Variants in ANKAR observed in about 807,000 individuals in gnomAD.
The protein encoded by ANKAR is ankyrin and armadillo repeat-containing protein.
In ANKAR, 136 loss-of-function variants were observed where a neutral mutation model predicts 146.2. The observed-to-expected ratio is 0.93, with a 90% confidence interval of 0.81 to 1.07. ANKAR has a LOEUF of 1.07. ANKAR is among the 50% of genes least tolerant of loss of function. The pLI, the probability that ANKAR is intolerant of heterozygous loss-of-function variation, is 0.00. For synonymous variants in ANKAR, 500 were observed against 575.8 expected (o/e 0.87, Z 1.88); for missense variants, 1,567 against 1,679.9 (o/e 0.93, Z 1.18).
At chr2:189,687,271 G>C (rs1001243505) in intron 2 of ANKAR, among the ~76,000 whole-genome samples, 2 of 152,052 alleles carry the variant, frequency 1.3e-5, no homozygotes, top group Non-Finnish European at 2.9e-5. Flanking sequence ...ATGTCCTCCA[G>C]TTTCATCAAA....
chr2:189,756,459 A>G (rs963153518), intron 18 of ANKAR, among the ~76,000 whole-genome samples: 1 of 152,210 alleles, frequency 6.6e-6, no homozygotes, highest in African/African-American at 2.4e-5. Flanking sequence ...TACTAGTTCT[A>G]TGTGTAGAAA....
intron 10 of ANKAR, among the ~76,000 whole-genome samples, chr2:189,715,599 A>G (rs2040354592): frequency 6.6e-6 from 1 of 152,242 alleles, no homozygotes; most frequent in Admixed American, 6.5e-5. Flanking sequence ...TGAGGCCAGC[A>G]TCATCCTGAT....
In ANKAR at chr2:189,689,804, T is replaced by C; in HGVS notation, c.879T>C (p.Tyr293=). The change falls in exon 3 of 23, where the codon TAT becomes TAC. Residue 293 remains tyrosine (Y), a synonymous_variant. Coordinates refer to ENST00000684021, the MANE Select transcript of ANKAR (RefSeq NM_001378068.1). ...CTYQRLQQRL[Y]LQKKIIQKHF... ...ACCAGAGACTACAGCAAAGATTATA[T>C]CTTCAAAAAAAGATTATTCAAAAAC... 1.9e-6 allele frequency: 3 copies of C among 1,606,560 alleles called. No homozygotes were observed. Among genetic ancestry groups the C allele is most frequent in the South Asian group, 1.1e-5 (1 of 89,038 alleles).
chr2:189,741,416 C>A lies in ANKAR; in HGVS notation c.3775C>A (p.Arg1259=), dbSNP rs200396361. ...ATTTACCACATTAGGAACAATCCAA[C>A]GGCTCTGCTATCATTTGTACTCGGG... ...EAFTTLGTIQ[R]LCYHLYSGIE... Residue 1259 remains arginine (R), a synonymous_variant, in exon 20 of 23, where the codon CGG becomes AGG. Coordinates refer to ENST00000684021, the MANE Select transcript of ANKAR (RefSeq NM_001378068.1). The A allele has an allele frequency of 6.2e-7, 1 of 1,611,196 alleles. No individual in the cohort carries two copies. The highest frequency in any genetic ancestry group is 8.5e-7 in the Non-Finnish European group (1 of 1,178,464).
intron 15 of ANKAR, 96 bp downstream of exon 15, chr2:189,728,917 A>G (rs2042138854): frequency 8.3e-7 from 1 of 1,198,838 alleles, no homozygotes; most frequent in Non-Finnish European, 1.2e-6. Flanking sequence ...CTCTATCCCC[A>G]CTGTTTGAGC....
chr2:189,675,163 A>G (rs2033333696), intron 1 of ANKAR, among the ~76,000 whole-genome samples: 1 of 146,498 alleles, frequency 6.8e-6, no homozygotes, highest in Non-Finnish European at 1.5e-5. Flanking sequence ...AGCGATTTGT[A>G]TTTGAACAAG....
chr2:189,756,093 G>A (rs919431628), intron 18 of ANKAR, among the ~76,000 whole-genome samples: 1 of 152,146 alleles, frequency 6.6e-6, no homozygotes. Flanking sequence ...GGAATGACCG[G>A]GAGAAAAGAA....
intron 18 of ANKAR, among the ~76,000 whole-genome samples, chr2:189,758,690 T>G (rs946138687): frequency 6.6e-6 from 1 of 152,236 alleles, no homozygotes; most frequent in Non-Finnish European, 1.5e-5. Flanking sequence ...ACACCTGTGA[T>G]GTGTCAAACA....
At chr2:189,701,736 G>T (rs1032951404) in intron 7 of ANKAR, among the ~76,000 whole-genome samples, 4 of 151,966 alleles carry the variant, frequency 2.6e-5, no homozygotes, top group African/African-American at 9.7e-5. Context: ...TTATCCATTA[G>T]AACCCTTAGC....
intron 5 of ANKAR, among the ~76,000 whole-genome samples, chr2:189,694,686 G>A (rs1343641263): frequency 6.6e-6 from 1 of 152,176 alleles, no homozygotes; most frequent in African/African-American, 2.4e-5. Context: ...CAGACAGTTA[G>A]ATGACATAGA....
At chr2:189,749,404 T>C (rs1256099814), downstream of ANKAR, among the ~76,000 whole-genome samples, 2 of 151,422 alleles carry the variant, frequency 1.3e-5, no homozygotes, top group African/African-American at 4.9e-5. Flanking sequence ...ATGCTGTCTA[T>C]AAAAATCGAA....
chr2:189,705,381 G>T (rs2038791397), intron 8 of ANKAR, among the ~76,000 whole-genome samples, 157 bp downstream of exon 8: 1 of 152,224 alleles, frequency 6.6e-6, no homozygotes, highest in Non-Finnish European at 1.5e-5. Flanking sequence ...GATCTGAAAG[G>T]TATGTAAGGC....
intron 16 of ANKAR, among the ~76,000 whole-genome samples, chr2:189,731,991 C>T (rs893905829): frequency 6.6e-6 from 1 of 152,174 alleles, no homozygotes; most frequent in Non-Finnish European, 1.5e-5. Context: ...TTAGCCACCA[C>T]ATCTGGTGCA....
chr2:189,719,797 A>T lies in ANKAR; in HGVS notation c.2450A>T (p.Asp817Val). 1 of 1,575,888 alleles carries T rather than the reference A, an allele frequency of 6.3e-7. No homozygotes were observed. Among genetic ancestry groups the T allele is most frequent in the Non-Finnish European group, 8.7e-7 (1 of 1,150,860 alleles). ...GATATTGCTCAATGTGAAAACAAGG[A>T]TGTTATTGCCAAATATGTAAGTTCC... ...LYDIAQCENK[D>V]VIAKYNGIPS... Residue 817 changes from aspartate to valine, a missense_variant, in exon 11 of 23, where the codon GAT becomes GTT. Transcript: ENST00000684021.
At chr2:189,749,998 CTG>C (rs2044884199), downstream of ANKAR, among the ~76,000 whole-genome samples, 1 of 152,120 alleles carries the variant, frequency 6.6e-6, no homozygotes, top group Non-Finnish European at 1.5e-5. Flanking sequence ...TGGTGGGCTC[CTG>C]TAGTCCCAGC....
intron 12 of ANKAR, among the ~76,000 whole-genome samples, chr2:189,727,259 AAC>A (rs2041974578): frequency 1.3e-5 from 2 of 152,226 alleles, no homozygotes; most frequent in Non-Finnish European, 2.9e-5. Flanking sequence ...CTCATACTCA[AAC>A]ACAGTAACAT....
rs772828251 is a variant in ANKAR at position 189,695,135 on chromosome 2, G to T, written c.1462G>T (p.Gly488Cys). The T allele has an allele frequency of 2.5e-6, 4 of 1,605,042 alleles. No individual in the cohort carries two copies. Among genetic ancestry groups the T allele is most frequent in the Non-Finnish European group, 3.4e-6 (4 of 1,177,106 alleles). Residue 488 changes from glycine (G) to cysteine (C), a missense_variant, in exon 6 of 23, where the codon GGT (glycine) becomes TGT (cysteine). Transcript: ENST00000684021. ...ACATGAACAATTTAAGAAAAAGCTTGGTTTCAAAAGAGCTATGAAATGCAA... is the reference window on the plus strand; with the variant it reads ...ACATGAACAATTTAAGAAAAAGCTTTGTTTCAAAAGAGCTATGAAATGCAA... ...QLHEQFKKKL[G>C]FKRAMKCKSI...
chr2:189,740,394 T>G (rs1386825119), intron 19 of ANKAR, among the ~76,000 whole-genome samples: 1 of 152,196 alleles, frequency 6.6e-6, no homozygotes, highest in Non-Finnish European at 1.5e-5. Flanking sequence ...TGGCTTATAA[T>G]AGAGGCCAGA....
intron 12 of ANKAR, among the ~76,000 whole-genome samples, chr2:189,726,087 AT>A (rs1487895033): frequency 6.6e-6 from 1 of 152,162 alleles, no homozygotes; most frequent in Non-Finnish European, 1.5e-5. Context: ...GAAAATTAGT[AT>A]TTTGCAAACA....
Sources: allele counts gnomAD v4.1 joint callset (sites outside exome capture counted in the v4.1 genomes callset), GRCh38; gene constraint gnomAD v4.1.1; transcripts MANE v1.5; gene names NCBI Gene and HGNC (gene_info 2026-07-23, HGNC 2026-07-21).